CNTNAP2: variants seen among roughly 807,000 people sequenced by gnomAD.
CNTNAP2 encodes contactin associated protein 2.
In CNTNAP2, 98 loss-of-function variants were observed where a neutral mutation model predicts 155.2. The ratio of observed to expected loss-of-function variants is 0.63; its 90% CI spans 0.54 to 0.75. The LOEUF (loss-of-function observed/expected upper bound fraction) is 0.75. Among genes scored for constraint, CNTNAP2 ranks in the 30% least tolerant of loss-of-function variants. The pLI, the probability that CNTNAP2 is intolerant of heterozygous loss-of-function variation, is 0.00. For missense variants in CNTNAP2, 1,727 were observed against 1,688.1 expected (o/e 1.02, Z -0.40); for synonymous variants, 651 against 631.2 (o/e 1.03, Z -0.47).
intron 1 of CNTNAP2, among the ~76,000 whole-genome samples, chr7:146,241,109 A>G (rs1369635435): frequency 1.3e-5 from 2 of 152,162 alleles, no homozygotes; most frequent in African/African-American, 4.8e-5. Context: ...CTAAACATTC[A>G]TGAGAAAACT....
At chr7:146,757,413 T>G (rs1011850985) in intron 1 of CNTNAP2, among the ~76,000 whole-genome samples, 3 of 152,180 alleles carry the variant, frequency 2.0e-5, no homozygotes, top group African/African-American at 7.2e-5. Flanking sequence ...TTAAATAAGT[T>G]TAATTTCTTT....
At chr7:148,170,790 G>C (rs1805775251) in intron 17 of CNTNAP2, among the ~76,000 whole-genome samples, 1 of 152,162 alleles carries the variant, frequency 6.6e-6, no homozygotes. Context: ...TGATATTCCA[G>C]TCCTGTCTGA....
intron 10 of CNTNAP2, among the ~76,000 whole-genome samples, chr7:147,453,385 T>C (rs1466701916): frequency 6.6e-6 from 1 of 152,162 alleles, no homozygotes. Flanking sequence ...TTTCTCATTA[T>C]TGTGTACCTG....
At chr7:146,775,093 A>G (rs1214137889) in intron 2 of CNTNAP2, among the ~76,000 whole-genome samples, 1 of 152,224 alleles carries the variant, frequency 6.6e-6, no homozygotes, top group Non-Finnish European at 1.5e-5. Context: ...AATATGAATC[A>G]ACAAACAGAG....
chr7:146,770,297 T>C (rs1802270110), intron 1 of CNTNAP2, among the ~76,000 whole-genome samples: 1 of 145,208 alleles, frequency 6.9e-6, no homozygotes, highest in South Asian at 2.2e-4. Flanking sequence ...AATGGAATTA[T>C]ATATATATAT....
chr7:147,719,290 C>T (rs2117025499), intron 13 of CNTNAP2, among the ~76,000 whole-genome samples: 1 of 152,198 alleles, frequency 6.6e-6, no homozygotes, highest in South Asian at 2.1e-4. Flanking sequence ...TTCTCTCTCT[C>T]TCACATTCGA....
At chr7:147,077,162 T>G (rs1584822348) in intron 4 of CNTNAP2, among the ~76,000 whole-genome samples, 1 of 152,202 alleles carries the variant, frequency 6.6e-6, no homozygotes, top group East Asian at 1.9e-4. Flanking sequence ...TGTTTTCCAA[T>G]TTAGCCCTAT....
At chr7:146,856,286 A>ATAGT (rs1794983879) in intron 3 of CNTNAP2, among the ~76,000 whole-genome samples, 1 of 128,632 alleles carries the variant, frequency 7.8e-6, no homozygotes, top group Non-Finnish European at 1.6e-5. Flanking sequence ...AGATAGATAG[A>ATAGT]TAGATAGATA....
At chr7:147,616,423 C>T (rs1480919194) in intron 12 of CNTNAP2, among the ~76,000 whole-genome samples, 4 of 152,170 alleles carry the variant, frequency 2.6e-5, no homozygotes, top group Non-Finnish European at 5.9e-5. Context: ...TTTAATATGC[C>T]TTACAAGAAA....
At chr7:147,137,612 C>T (rs1205156447) in intron 8 of CNTNAP2, among the ~76,000 whole-genome samples, 1 of 151,716 alleles carries the variant, frequency 6.6e-6, no homozygotes, top group Non-Finnish European at 1.5e-5. Flanking sequence ...TACTTAGAAA[C>T]ATGTACAGCC....
intron 4 of CNTNAP2, among the ~76,000 whole-genome samples, chr7:147,050,476 G>C (rs911738301): frequency 6.6e-6 from 1 of 152,166 alleles, no homozygotes; most frequent in Admixed American, 6.5e-5. Flanking sequence ...AATAAAACCT[G>C]TATGTCATTC....
At chr7:147,778,766 C>G (rs1177167674) in intron 13 of CNTNAP2, among the ~76,000 whole-genome samples, 2 of 152,208 alleles carry the variant, frequency 1.3e-5, no homozygotes, top group African/African-American at 4.8e-5. Flanking sequence ...CTGCCTTGGT[C>G]TCCCAAAGTG....
At position 147,086,391 on chromosome 7, in the gene CNTNAP2, GTTTCTC is replaced by G. The variant is rs1308406027; in HGVS notation, c.551-21750_551-21745del. ...TTTTTGATACATCCACAGAAAATAT[GTTTCTC>G]TTTCTTTTTCTTTTCATAAAATTTA... On this transcript the variant is annotated intron_variant, in intron 4 of 23. Transcript: ENST00000361727. Among the ~76,000 whole-genome samples, 6 of 150,276 alleles carry G rather than the reference GTTTCTC, an allele frequency of 4.0e-5. 1 individual carries two copies. Among genetic ancestry groups the G allele is most frequent in the African/African-American group, 1.5e-4 (6 of 40,186 alleles).
At chr7:147,671,270 C>CG (rs368325601) in intron 13 of CNTNAP2, among the ~76,000 whole-genome samples, 4 of 152,246 alleles carry the variant, frequency 2.6e-5, no homozygotes, top group African/African-American at 9.6e-5. Context: ...ATGAAAGGCT[C>CG]GGGGAAATAT....
Position 146,738,843 on chromosome 7 carries a change from T to G in CNTNAP2, c.98-35428T>G, listed in dbSNP as rs939286110. 2.0e-5 allele frequency among the ~76,000 whole-genome samples: 3 copies of G among 149,634 alleles called. No individual in the cohort carries two copies. The South Asian group carries it at 6.3e-4, about 31-fold the overall frequency. On this transcript the variant is annotated intron_variant, in intron 1 of 23. Coordinates refer to ENST00000361727, the MANE Select transcript of CNTNAP2 (RefSeq NM_014141.6). The stretch of plus-strand genomic sequence containing the variant: ...TTATTGGTCTGTTAAGATTTTCTGT[T>G]TTTTTTTTTTCATAATTCACTCTTG...
intron 13 of CNTNAP2, among the ~76,000 whole-genome samples, chr7:147,900,701 G>T (rs1799853792): frequency 6.6e-6 from 1 of 151,976 alleles, no homozygotes; most frequent in East Asian, 1.9e-4. Context: ...ACTGCAACTT[G>T]CACCTCCCAC....
At chr7:147,630,729 G>A (rs1477926875) in intron 12 of CNTNAP2, among the ~76,000 whole-genome samples, 1 of 151,966 alleles carries the variant, frequency 6.6e-6, no homozygotes, top group African/African-American at 2.4e-5. Context: ...AGTCATATGA[G>A]CATCCCAATA....
At chr7:146,436,042 C>G (rs1378950263) in intron 1 of CNTNAP2, among the ~76,000 whole-genome samples, 1 of 152,084 alleles carries the variant, frequency 6.6e-6, no homozygotes, top group Non-Finnish European at 1.5e-5. Context: ...CCCTATAATG[C>G]CGATGAGTTA....
At chr7:147,480,121 A>G (rs887286664) in intron 10 of CNTNAP2, among the ~76,000 whole-genome samples, 2 of 152,210 alleles carry the variant, frequency 1.3e-5, no homozygotes, top group African/African-American at 4.8e-5. Context: ...GAGAGTCACG[A>G]GTATGAAAAA....
Sources: gnomAD v4.1 joint callset for allele counts (sites outside exome capture counted in the v4.1 genomes callset) on GRCh38, gnomAD v4.1.1 for gene constraint, MANE v1.5 for transcripts, NCBI Gene and HGNC (gene_info 2026-07-23, HGNC 2026-07-21) for gene names.